Variants in PRKCH observed in about 807,000 individuals in gnomAD.
PRKCH encodes protein kinase C eta, also known as protein kinase C eta type.
PRKCH carries 28 observed loss-of-function variants against 82.5 expected under a neutral mutation model. That is an observed-to-expected ratio of 0.34 (90% CI 0.25 to 0.47). The LOEUF (loss-of-function observed/expected upper bound fraction) is 0.47. Ranked by LOEUF, PRKCH falls within the 20% of genes least tolerant of loss-of-function variation. The pLI is 1.00. For synonymous variants in PRKCH, 322 were observed against 327.4 expected (o/e 0.98, Z 0.18); for missense variants, 705 against 881.8 (o/e 0.80, Z 2.54).
intron 2 of PRKCH, among the ~76,000 whole-genome samples, chr14:61,418,613 G>A (rs1882680306): frequency 6.6e-6 from 1 of 152,208 alleles, no homozygotes; most frequent in South Asian, 2.1e-4. Context: ...AGGCCTTTGT[G>A]ATAGATTGGC....
chr14:61,543,716 G>A (rs1179336240), intron 12 of PRKCH: 2 of 152,192 alleles, frequency 1.3e-5, no homozygotes, highest in Admixed American at 6.5e-5. Flanking sequence ...GAGCACAATT[G>A]TTAACTTACT....
At chr14:61,459,693 C>G (rs560826265) in intron 9 of PRKCH, among the ~76,000 whole-genome samples, 1 of 152,034 alleles carries the variant, frequency 6.6e-6, no homozygotes, top group Non-Finnish European at 1.5e-5. Context: ...ATCCTTTCTC[C>G]GAAAGAAACA....
chr14:61,335,589 C>T (rs11849435), intron 1 of PRKCH, among the ~76,000 whole-genome samples: 14,360 of 152,034 alleles, frequency 0.094, 1,111 homozygotes, highest in African/African-American at 0.2. Flanking sequence ...AACCACAACC[C>T]CCCCATCTGC....
chr14:61,455,185 ACGCCCAG>A (rs1884703127), intron 7 of PRKCH, among the ~76,000 whole-genome samples: 1 of 142,440 alleles, frequency 7.0e-6, no homozygotes, highest in African/African-American at 2.6e-5. Flanking sequence ...ACCCGCCACC[ACGCCCAG>A]CTAATTTTTT....
intron 10 of PRKCH, among the ~76,000 whole-genome samples, chr14:61,506,225 C>G (rs1887142218): frequency 6.6e-6 from 1 of 152,168 alleles, no homozygotes; most frequent in African/African-American, 2.4e-5. Flanking sequence ...AAATACTGTG[C>G]TCAGTGCAAT....
At chr14:61,251,333 A>G (rs2044944431) in intron 1 of PRKCH, among the ~76,000 whole-genome samples, 1 of 152,084 alleles carries the variant, frequency 6.6e-6, no homozygotes, top group South Asian at 2.1e-4. Context: ...GTACCCATTA[A>G]CCATCCCACT....
intron 9 of PRKCH, among the ~76,000 whole-genome samples, chr14:61,464,607 T>C (rs940261140): frequency 1.1e-4 from 16 of 152,170 alleles, no homozygotes; most frequent in African/African-American, 3.6e-4. Flanking sequence ...TGTGTTCTCA[T>C]TGTTCAACTT....
At chr14:61,411,265 A>G (rs1273935636) in intron 2 of PRKCH, among the ~76,000 whole-genome samples, 1 of 152,214 alleles carries the variant, frequency 6.6e-6, no homozygotes. Context: ...AATGGTGTCA[A>G]CGGATGATTA....
At chr14:61,415,378 C>T (rs999454681) in intron 2 of PRKCH, among the ~76,000 whole-genome samples, 2 of 152,194 alleles carry the variant, frequency 1.3e-5, no homozygotes, top group African/African-American at 4.8e-5. Flanking sequence ...CCCCCCATCT[C>T]CCACAGCAAC....
intron 1 of PRKCH, among the ~76,000 whole-genome samples, chr14:61,291,300 T>C (rs2045359134): frequency 6.6e-6 from 1 of 150,874 alleles, no homozygotes; most frequent in South Asian, 2.1e-4. Flanking sequence ...CTAAGATCAA[T>C]TGTCTATTAA....
At chr14:61,197,736 G>T (rs2044451043) in intron 1 of PRKCH, among the ~76,000 whole-genome samples, 1 of 152,174 alleles carries the variant, frequency 6.6e-6, no homozygotes, top group Admixed American at 6.5e-5. Context: ...CAACATGAGT[G>T]TTGGAGGGGA....
chr14:61,317,438 A>G (rs537764961), upstream of PRKCH, among the ~76,000 whole-genome samples: 2 of 152,112 alleles, frequency 1.3e-5, no homozygotes, highest in Non-Finnish European at 2.9e-5. Flanking sequence ...TTCTTTTTAA[A>G]TTTATTTTTA....
chr14:61,488,151 CA>C (rs33973552), intron 10 of PRKCH, among the ~76,000 whole-genome samples: 130,930 of 140,750 alleles, frequency 0.93, 61,159 homozygotes, highest in Non-Finnish European at 0.98. Context: ...GACTCCGTCT[CA>C]AAAAAAAAAA....
chr14:61,469,550 C>T (rs1041948444), intron 9 of PRKCH, among the ~76,000 whole-genome samples: 5 of 152,180 alleles, frequency 3.3e-5, no homozygotes, highest in Non-Finnish European at 7.4e-5. Flanking sequence ...CAGGTAGGAC[C>T]TGAAGCGGCT....
chr14:61,367,758 A>G (rs1405886362), intron 1 of PRKCH, among the ~76,000 whole-genome samples: 1 of 145,946 alleles, frequency 6.9e-6, no homozygotes, highest in Admixed American at 7.0e-5. Flanking sequence ...TCTTTCACCC[A>G]GGCTGGAGTG....
At position 61,280,880 on chromosome 14, in the gene PRKCH, G is replaced by A; in HGVS notation, c.-19+93212G>A. On this transcript the variant is annotated intron_variant, in intron 1 of 3. Coordinates refer to the PRKCH transcript ENST00000555185. This position sits in a 1 kb window ranked among gnomAD's most constrained non-coding sequence, Gnocchi z 5.0. ...AAGTACCAGGCGCACGAGCAGGGGG[G>A]CGGCAGCGCCCGGCCCTGGCCAGCC... The A allele has an allele frequency of 6.4e-7, 1 of 1,560,784 alleles. No homozygotes were observed. Among genetic ancestry groups the A allele is most frequent in the Non-Finnish European group, 8.6e-7 (1 of 1,160,746 alleles).
chr14:61,346,591 G>C (rs1393448369), intron 1 of PRKCH, among the ~76,000 whole-genome samples: 1 of 152,174 alleles, frequency 6.6e-6, no homozygotes, highest in Non-Finnish European at 1.5e-5. Context: ...GGGATGTGCA[G>C]AAATAAAAAG....
intron 1 of PRKCH, among the ~76,000 whole-genome samples, chr14:61,272,243 A>T (rs1479368204): frequency 1.1e-4 from 4 of 34,954 alleles, no homozygotes; most frequent in Non-Finnish European, 2.7e-4. Flanking sequence ...AAAAAAGATG[A>T]CATGAGAAAA....
intron 1 of PRKCH, chr14:61,281,243 G>A (rs774248566): frequency 1.9e-4 from 144 of 752,032 alleles, no homozygotes; most frequent in Non-Finnish European, 2.6e-4. Flanking sequence ...GGGACTGCTC[G>A]CGGGTCGGGT....
Sources: gnomAD v4.1 joint callset for allele counts (sites outside exome capture counted in the v4.1 genomes callset) on GRCh38, gnomAD v4.1.1 for gene constraint, Gnocchi (gnomAD v3.1) non-coding constraint, MANE v1.5 for transcripts, NCBI Gene and HGNC (gene_info 2026-07-23, HGNC 2026-07-21) for gene names.